The following KPNA6 variants were observed in gnomAD, a reference collection of about 807,000 sequenced individuals.
KPNA6 encodes karyopherin subunit alpha 6, also known as importin subunit alpha-7.
In KPNA6, 9 loss-of-function variants were observed where a neutral mutation model predicts 72.0. The ratio of observed to expected loss-of-function variants is 0.13; its 90% CI spans 0.08 to 0.22. The LOEUF (loss-of-function observed/expected upper bound fraction) is 0.22, where lower values mean the gene tolerates loss of function less well. Among genes scored for constraint, KPNA6 ranks in the 10% least tolerant of loss-of-function variants. KPNA6 has a pLI of 1.00. For synonymous variants in KPNA6, 219 were observed against 242.1 expected (o/e 0.90, Z 0.89); for missense variants, 374 against 655.7 (o/e 0.57, Z 4.69).
intron 1 of KPNA6, among the ~76,000 whole-genome samples, chr1:32,134,450 G>C (rs1641697837): frequency 6.6e-6 from 1 of 151,736 alleles, no homozygotes; most frequent in Non-Finnish European, 1.5e-5. Flanking sequence ...AGACCAGCCT[G>C]GGCAACATAA....
intron 1 of KPNA6, among the ~76,000 whole-genome samples, chr1:32,115,650 C>A (rs1641317228): frequency 6.6e-6 from 1 of 152,136 alleles, no homozygotes. Context: ...GTCTTCAAGT[C>A]CTGTCCTCAA....
At chr1:32,148,729 T>C (rs927741757) in intron 1 of KPNA6, among the ~76,000 whole-genome samples, 4 of 151,950 alleles carry the variant, frequency 2.6e-5, no homozygotes, top group Non-Finnish European at 5.9e-5. Context: ...GGTATGTTTT[T>C]TGTATTTTTA....
chr1:32,121,682 A>G (rs910263781), intron 1 of KPNA6, among the ~76,000 whole-genome samples: 1 of 152,176 alleles, frequency 6.6e-6, no homozygotes, highest in Non-Finnish European at 1.5e-5. Context: ...TTAAAAGCCA[A>G]GAGAAAGAGG....
At chr1:32,158,200 C>G (rs1557480335) in intron 4 of KPNA6, 67 bp from the exon 5 acceptor site, 9 of 991,214 alleles carry the variant, frequency 9.1e-6, no homozygotes, top group Non-Finnish European at 1.1e-5. Flanking sequence ...GGATTGCAAG[C>G]TGACCCCCAT....
intron 13 of KPNA6, 128 bp downstream of exon 13, chr1:32,170,188 G>C: frequency 1.2e-6 from 1 of 802,776 alleles, no homozygotes; most frequent in Non-Finnish European, 1.9e-6. Flanking sequence ...TGATGTCTGT[G>C]TCTTCAGAAC....
intron 12 of KPNA6, among the ~76,000 whole-genome samples, chr1:32,167,696 T>C (rs1421063434): frequency 1.3e-5 from 2 of 152,044 alleles, no homozygotes; most frequent in East Asian, 3.9e-4. Context: ...AAGAAGACTC[T>C]GTCTCTACGA....
chr1:32,173,109 A>AG lies in KPNA6; in HGVS notation c.*2220dup, dbSNP rs979519523. The AG allele has an allele frequency of 7.0e-5, 27 of 385,130 alleles. No homozygotes were observed. The highest frequency in any genetic ancestry group is 5.8e-4 in the African/African-American group (27 of 46,204). The allele number at this position is 385,130 out of a possible 1,614,324, so 23.9% of individuals were successfully genotyped here. On this transcript the variant is annotated 3_prime_UTR_variant, in exon 14 of 14. Transcript: ENST00000373625. ...CCAACTCCCAATCTCCCAGGAAGGC[A>AG]GGGGGCAGAATCTTTTTTTCACTTG...
intron 1 of KPNA6, among the ~76,000 whole-genome samples, chr1:32,148,225 C>A (rs1030523961): frequency 9.2e-5 from 14 of 151,988 alleles, no homozygotes; most frequent in African/African-American, 3.1e-4. Context: ...CTGTCTTAGC[C>A]CCCCCACTTG....
At chr1:32,149,182 T>C (rs1305151433) in intron 1 of KPNA6, among the ~76,000 whole-genome samples, 9 of 152,120 alleles carry the variant, frequency 5.9e-5, no homozygotes. Context: ...TAAGTGTACT[T>C]TTGAGCTCTA....
Position 32,172,923 on chromosome 1 carries a change from C to T in KPNA6, c.*2029C>T, listed in dbSNP as rs10415. ...TAAAGTTCAGGTACTTATTATTGGC[C>T]ATTGATCTTGAATTTGCCCTCTCCT... On this transcript the variant is annotated 3_prime_UTR_variant, in exon 14 of 14. Coordinates refer to ENST00000373625, the MANE Select transcript of KPNA6 (RefSeq NM_012316.5). 185 of 396,394 alleles carry T rather than the reference C, an allele frequency of 4.7e-4. No homozygotes were observed. The highest frequency in any genetic ancestry group is 3.2e-3 in the African/African-American group (158 of 48,680). The allele number at this position is 396,394 out of a possible 1,614,324, so 24.6% of individuals were successfully genotyped here.
At chr1:32,135,996 C>T (rs1352369668) in intron 1 of KPNA6, among the ~76,000 whole-genome samples, 1 of 152,110 alleles carries the variant, frequency 6.6e-6, no homozygotes, top group Non-Finnish European at 1.5e-5. Context: ...GAGATAGGAT[C>T]ACTTAAAAAT....
intron 1 of KPNA6, among the ~76,000 whole-genome samples, chr1:32,118,573 T>C (rs1641367094): frequency 6.6e-6 from 1 of 151,872 alleles, no homozygotes; most frequent in South Asian, 2.1e-4. Flanking sequence ...GGAAGGAGGA[T>C]TGGTTGAGGC....
chr1:32,159,114 G>A (rs1557480770), intron 5 of KPNA6, among the ~76,000 whole-genome samples: 1 of 152,194 alleles, frequency 6.6e-6, no homozygotes, highest in African/African-American at 2.4e-5. Flanking sequence ...ATGCATGGGT[G>A]TTGTGGTAGT....
At chr1:32,161,267 G>T (rs1004494945) in intron 7 of KPNA6, among the ~76,000 whole-genome samples, 6 of 152,194 alleles carry the variant, frequency 3.9e-5, no homozygotes, top group African/African-American at 1.4e-4. Context: ...TGAGCCAGGG[G>T]AGAGAGGCAG....
At chr1:32,157,932 C>T (rs575364307) in intron 4 of KPNA6, among the ~76,000 whole-genome samples, 2 of 152,208 alleles carry the variant, frequency 1.3e-5, no homozygotes, top group South Asian at 4.1e-4. Flanking sequence ...ATAGTCTTCC[C>T]AAGAAGAGAG....
intron 10 of KPNA6, among the ~76,000 whole-genome samples, 158 bp from the exon 11 acceptor site, chr1:32,165,947 G>A (rs1270631859): frequency 6.7e-6 from 1 of 150,250 alleles, no homozygotes; most frequent in Non-Finnish European, 1.5e-5. Flanking sequence ...GCAGTGAGCC[G>A]AGATTGTGCC....
chr1:32,162,198 A>C, intron 8 of KPNA6, 152 bp downstream of exon 8: 1 of 924,056 alleles, frequency 1.1e-6, no homozygotes, highest in Non-Finnish European at 1.7e-6. Flanking sequence ...CTGGATAGTA[A>C]AGTGAAAAGG....
chr1:32,149,278 T>C (rs57364156), intron 1 of KPNA6, among the ~76,000 whole-genome samples: 21,996 of 152,098 alleles, frequency 0.14, 2,253 homozygotes, highest in African/African-American at 0.26. Flanking sequence ...AGATTTCCTT[T>C]AGTTCATTGT....
intron 10 of KPNA6, among the ~76,000 whole-genome samples, chr1:32,164,742 A>C (rs1242768217): frequency 1.4e-5 from 2 of 144,924 alleles, no homozygotes; most frequent in Non-Finnish European, 3.0e-5. Flanking sequence ...TCATGTTTTA[A>C]TTGGGTTGTT....
Sources: gnomAD v4.1 joint callset for allele counts (sites outside exome capture counted in the v4.1 genomes callset) on GRCh38, gnomAD v4.1.1 for gene constraint, MANE v1.5 for transcripts, NCBI Gene and HGNC (gene_info 2026-07-23, HGNC 2026-07-21) for gene names.